Variants in NTRK3 observed in about 807,000 individuals in gnomAD.
NTRK3 encodes the protein neurotrophic receptor tyrosine kinase 3, also known as NT-3 growth factor receptor.
Under a neutral mutation model 91.7 loss-of-function variants are expected in NTRK3, and 24 were observed. The observed-to-expected ratio is 0.26, with a 90% CI of 0.19 to 0.37. The LOEUF (loss-of-function observed/expected upper bound fraction) is 0.37, where lower values mean the gene tolerates loss of function less well. Among genes scored for constraint, NTRK3 ranks in the 10% least tolerant of loss-of-function variants. NTRK3 has a pLI of 1.00. For missense variants in NTRK3, 880 were observed against 1,068.9 expected, an observed-to-expected ratio of 0.82 and a Z score of 2.46; for synonymous variants, 483 against 404.0, an observed-to-expected ratio of 1.20 and a Z score of -2.34.
chr15:88,012,871 T>A (rs1222382777), intron 14 of NTRK3, among the ~76,000 whole-genome samples: 1 of 152,228 alleles, frequency 6.6e-6, no homozygotes, highest in Non-Finnish European at 1.5e-5. Flanking sequence ...TCGGATTCAG[T>A]GGGTCTGAAG....
chr15:88,092,460 A>C (rs924194229), intron 13 of NTRK3, among the ~76,000 whole-genome samples: 1 of 152,170 alleles, frequency 6.6e-6, no homozygotes. Context: ...GGTAGGTTGC[A>C]TTCCCACCCC....
exon 19 of NTRK3, chr15:87,877,115 A>G (rs898672542): frequency 3.7e-6 from 6 of 1,614,016 alleles, no homozygotes; most frequent in Non-Finnish European, 5.1e-6. Flanking sequence ...TAATGCACTC[A>G]ATGACCTGAA....
At chr15:88,057,524 G>A (rs1597044482) in intron 13 of NTRK3, among the ~76,000 whole-genome samples, 1 of 151,956 alleles carries the variant, frequency 6.6e-6, no homozygotes, top group African/African-American at 2.4e-5. Flanking sequence ...AGAAAGAAAT[G>A]TGTCCTGAGC....
chr15:88,119,851 T>C (rs1208593848), intron 13 of NTRK3, among the ~76,000 whole-genome samples: 1 of 152,182 alleles, frequency 6.6e-6, no homozygotes, highest in African/African-American at 2.4e-5. Context: ...TGAAAGAAAC[T>C]ATTTTACTCA....
intron 14 of NTRK3, among the ~76,000 whole-genome samples, chr15:87,962,585 C>T (rs2072401148): frequency 6.6e-6 from 1 of 152,194 alleles, no homozygotes; most frequent in South Asian, 2.1e-4. Flanking sequence ...TCCTTGAATT[C>T]CTTCCAGCTG....
intron 14 of NTRK3, among the ~76,000 whole-genome samples, chr15:87,979,624 AC>A (rs993284115): frequency 7.9e-5 from 12 of 152,088 alleles, no homozygotes; most frequent in Non-Finnish European, 1.5e-4. Flanking sequence ...TTAACTTAAA[AC>A]CCTGCATGGT....
intron 14 of NTRK3, chr15:87,978,179 C>T (rs1029246289): frequency 9.1e-5 from 21 of 230,452 alleles, no homozygotes; most frequent in Middle Eastern, 1.3e-3. Flanking sequence ...AAAGTCACCC[C>T]CTTCCCTCTC....
intron 13 of NTRK3, among the ~76,000 whole-genome samples, chr15:88,096,395 T>G (rs1271486548): frequency 6.6e-6 from 1 of 152,146 alleles, no homozygotes; most frequent in Non-Finnish European, 1.5e-5. Context: ...GATGACCTGG[T>G]TGGGAAAAGC....
intron 5 of NTRK3, among the ~76,000 whole-genome samples, chr15:88,160,549 G>A (rs569049860): frequency 1.8e-4 from 27 of 152,154 alleles, no homozygotes; most frequent in South Asian, 6.2e-4. Flanking sequence ...TAGATCCTGC[G>A]CATGTAAAAA....
intron 13 of NTRK3, among the ~76,000 whole-genome samples, chr15:88,121,423 T>C (rs553931084): frequency 1.3e-5 from 2 of 152,308 alleles, no homozygotes; most frequent in South Asian, 4.1e-4. Context: ...GGCCTCGGTT[T>C]CTTCACCTGG....
chr15:88,045,640 G>C (rs956547368), intron 13 of NTRK3, among the ~76,000 whole-genome samples: 4 of 152,178 alleles, frequency 2.6e-5, no homozygotes, highest in Non-Finnish European at 5.9e-5. Flanking sequence ...CAGTTCTGGA[G>C]GCTAGCAGTT....
At chr15:88,062,733 C>A (rs1255612056) in intron 13 of NTRK3, among the ~76,000 whole-genome samples, 1 of 152,268 alleles carries the variant, frequency 6.6e-6, no homozygotes, top group African/African-American at 2.4e-5. Flanking sequence ...CTCTGCTACT[C>A]ACAGCCAAAT....
At chr15:87,922,463 C>A (rs2067954513) in intron 17 of NTRK3, among the ~76,000 whole-genome samples, 1 of 152,180 alleles carries the variant, frequency 6.6e-6, no homozygotes, top group Non-Finnish European at 1.5e-5. Context: ...GGATCTCTGT[C>A]TTGTTCTCTC....
chr15:88,128,800 G>T, intron 10 of NTRK3, 66 bp from the exon 11 acceptor site: 1 of 1,398,812 alleles, frequency 7.1e-7, no homozygotes, highest in Non-Finnish European at 1.0e-6. Flanking sequence ...ACACTACTTG[G>T]TCCTAATAGC....
At chr15:87,972,798 G>A (rs1169148382) in intron 14 of NTRK3, among the ~76,000 whole-genome samples, 1 of 152,104 alleles carries the variant, frequency 6.6e-6, no homozygotes, top group Non-Finnish European at 1.5e-5. Flanking sequence ...TCAGTTCTCT[G>A]GGTAATTTGC....
chr15:88,157,603 G>A (rs2044034803), intron 5 of NTRK3, among the ~76,000 whole-genome samples: 1 of 151,766 alleles, frequency 6.6e-6, no homozygotes, highest in South Asian at 2.1e-4. Flanking sequence ...AAACCTTCAC[G>A]TCTCTGCGCT....
At chr15:87,922,076 C>T (rs1303787619) in intron 17 of NTRK3, among the ~76,000 whole-genome samples, 1 of 152,178 alleles carries the variant, frequency 6.6e-6, no homozygotes, top group Non-Finnish European at 1.5e-5. Flanking sequence ...GAGCAGAAAG[C>T]ATGGTGGAAC....
chr15:88,159,749 G>T (rs889880791), intron 5 of NTRK3, among the ~76,000 whole-genome samples: 1 of 152,108 alleles, frequency 6.6e-6, no homozygotes, highest in African/African-American at 2.4e-5. Context: ...CCACATAGGG[G>T]AATTCACAAT....
At chr15:88,009,058 C>T (rs917416718) in intron 14 of NTRK3, among the ~76,000 whole-genome samples, 2 of 152,080 alleles carry the variant, frequency 1.3e-5, no homozygotes, top group African/African-American at 2.4e-5. Flanking sequence ...AGGAAGAGAT[C>T]CCCAGTTGAG....
Sources: allele counts gnomAD v4.1 joint callset (sites outside exome capture counted in the v4.1 genomes callset), GRCh38; gene constraint gnomAD v4.1.1; transcripts MANE v1.5; gene names NCBI Gene and HGNC (gene_info 2026-07-23, HGNC 2026-07-21).